The following ITIH1 variants were observed in gnomAD, a reference collection of about 807,000 sequenced individuals.
ITIH1 encodes inter-alpha-trypsin inhibitor heavy chain 1.
A neutral mutation model predicts 104.6 loss-of-function variants in ITIH1; 94 were observed. The ratio of observed to expected loss-of-function variants is 0.90; its 90% CI spans 0.76 to 1.07. The LOEUF is 1.07. Among genes scored for constraint, ITIH1 ranks in the 50% least tolerant of loss-of-function variants. ITIH1 has a pLI of 0.00. For synonymous variants in ITIH1, 455 were observed against 464.4 expected (o/e 0.98, Z 0.26); for missense variants, 1,193 against 1,181.4 (o/e 1.01, Z -0.14).
chr3:52,778,037 A>T lies in ITIH1; in HGVS notation c.138+20A>T, dbSNP rs749562939. The T allele has an allele frequency of 1.9e-5, 30 of 1,613,916 alleles. No homozygotes were observed. The highest frequency in any genetic ancestry group is 2.5e-5 in the Non-Finnish European group (29 of 1,179,896). On this transcript the variant is annotated intron_variant, in intron 2 of 21. Transcript: ENST00000273283. ...GACACCGTGAGTAAGAGTCCTGGCA[A>T]AGGGGTCTGTGACAGAGCCCTTTTT...
chr3:52,786,429 C>T lies in ITIH1; in HGVS notation c.1728C>T (p.Ala576=), dbSNP rs1578738291. 2 of 1,580,334 alleles carry T rather than the reference C, an allele frequency of 1.3e-6. No individual in the cohort carries two copies. The highest frequency in any genetic ancestry group is 1.7e-6 in the Non-Finnish European group (2 of 1,162,960). Residue 576 remains alanine, a synonymous_variant, in exon 13 of 22, where the codon GCC becomes GCT. Coordinates refer to ENST00000273283, the MANE Select transcript of ITIH1 (RefSeq NM_002215.4). ...WAYLTIQELL[A]KRMKVDREER... ...ACCTCACCATCCAGGAGCTGCTGGCCAAGCGGTAGGGCACCTGCAGCTGCC... is the reference window on the plus strand; with the variant it reads ...ACCTCACCATCCAGGAGCTGCTGGCTAAGCGGTAGGGCACCTGCAGCTGCC...
rs1298895007 is a variant in ITIH1 at position 52,786,992 on chromosome 3, T to C, written c.1781T>C (p.Leu594Pro). 1 of 1,614,146 alleles carries C rather than the reference T, an allele frequency of 6.2e-7. No individual in the cohort carries two copies. The highest frequency in any genetic ancestry group is 1.1e-5 in the South Asian group (1 of 91,084). Reference sequence around the variant, plus strand: ...AGGGCCAACCTGTCATCCCAGGCCCTGCAGATGTCGCTGGACTATGGGTTT... The same window carrying C: ...AGGGCCAACCTGTCATCCCAGGCCCCGCAGATGTCGCTGGACTATGGGTTT... ...EERANLSSQALQMSLDYGFVT... is the reference protein window; with the variant it reads ...EERANLSSQAPQMSLDYGFVT... Residue 594 changes from leucine (L) to proline (P), a missense_variant, in exon 14 of 22, where the codon CTG becomes CCG. By Grantham distance (98) the Leu-to-Pro change is moderately conservative (BLOSUM62 -3). Transcript: ENST00000273283.
At chr3:52,786,532 G>T in intron 13 of ITIH1, 98 bp downstream of exon 13, 1 of 1,200,764 alleles carries the variant, frequency 8.3e-7, no homozygotes, top group Non-Finnish European at 1.2e-6. Context: ...GGGGCAAGTA[G>T]GTCAGATTTA....
At chr3:52,778,575 GGATCGGAGTGGCCAGATAACGCAGAGCAT>G in intron 3 of ITIH1, 69 bp downstream of exon 3, 2 of 1,596,412 alleles carry the variant, frequency 1.3e-6, no homozygotes, top group Non-Finnish European at 1.7e-6. Flanking sequence ...TTAAGAACAA[GGATCGGAGTGGCCAGATAACGCAGAGCAT>G]CTCCTCATTC....
chr3:52,789,169 CA>C (rs559731579), intron 18 of ITIH1, among the ~76,000 whole-genome samples: 46 of 152,086 alleles, frequency 3.0e-4, no homozygotes, highest in African/African-American at 1.0e-3. Context: ...GTCCCGCTTT[CA>C]TAGAGTTTAG....
chr3:52,779,007 G>A lies in ITIH1; in HGVS notation c.371G>A (p.Arg124Gln), dbSNP rs138161449. ...AAGGTGACTGCATGGAAGCAGTACC[G>A]GAAAGCAGCTATCTCAGGAGAGAAT... Reference protein sequence around the residue: ...KDKVTAWKQYRKAAISGENAG... With the variant: ...KDKVTAWKQYQKAAISGENAG... Residue 124 changes from arginine to glutamine, a missense_variant, in exon 4 of 22, where the codon CGG (arginine) becomes CAG (glutamine). By Grantham distance (43) the Arg-to-Gln change is conservative (BLOSUM62 1). Transcript: ENST00000273283. The surrounding 1 kb of genome is among the most constrained non-coding windows in gnomAD (Gnocchi z 4.4). The A allele has an allele frequency of 2.1e-5, 34 of 1,613,826 alleles. No individual in the cohort carries two copies. The highest frequency in any genetic ancestry group is 1.0e-4 in the Admixed American group (6 of 60,004).
At position 52,786,993 on chromosome 3, in the gene ITIH1, G is replaced by A; in HGVS notation, c.1782G>A (p.Leu594=). 2 of 1,614,176 alleles carry A rather than the reference G, an allele frequency of 1.2e-6. No homozygotes were observed. The highest frequency in any genetic ancestry group is 1.7e-6 in the Non-Finnish European group (2 of 1,180,002). Residue 594 remains leucine, a synonymous_variant, in exon 14 of 22, where the codon CTG becomes CTA. Coordinates refer to ENST00000273283, the MANE Select transcript of ITIH1 (RefSeq NM_002215.4). The part of the protein sequence containing the change: ...EERANLSSQA[L]QMSLDYGFVT... ...GGGCCAACCTGTCATCCCAGGCCCT[G>A]CAGATGTCGCTGGACTATGGGTTTG... is the stretch of plus-strand genomic sequence containing the variant.
intron 6 of ITIH1, among the ~76,000 whole-genome samples, chr3:52,781,232 C>A (rs1373741924): frequency 1.3e-5 from 1 of 77,516 alleles, no homozygotes; most frequent in African/African-American, 4.5e-5. Context: ...TCTTCTTCTT[C>A]TTCTTCTTCT....
chr3:52,780,366 C>A lies in ITIH1; in HGVS notation c.671C>A (p.Ser224Tyr). Residue 224 changes from serine (S) to tyrosine (Y), a missense_variant, in exon 6 of 22, where the codon TCC (serine) becomes TAC (tyrosine). Transcript: ENST00000273283. ...CTGGCAGCCCAAACTATCAAGAAGT[C>A]CTTCTCAGGAAAAAAGGTACATGGG... ...KELAAQTIKKSFSGKKGHVLF... is the reference protein window; with the variant it reads ...KELAAQTIKKYFSGKKGHVLF... The A allele has an allele frequency of 6.2e-7, 1 of 1,613,510 alleles. No homozygotes were observed. Among genetic ancestry groups the A allele is most frequent in the African/African-American group, 1.3e-5 (1 of 75,022 alleles).
chr3:52,784,503 T>G (rs760533203), intron 11 of ITIH1, 26 bp downstream of exon 11: 1 of 1,606,746 alleles, frequency 6.2e-7, no homozygotes. Context: ...CCCCTGTACC[T>G]CCAATGGCAT....
intron 13 of ITIH1, 113 bp from the exon 14 acceptor site, chr3:52,786,832 T>G (rs1187274875): frequency 7.9e-6 from 10 of 1,268,664 alleles, no homozygotes; most frequent in Non-Finnish European, 1.1e-5. Flanking sequence ...GCTTAATACT[T>G]ATGTGTCGAA....
intron 10 of ITIH1, 110 bp from the exon 11 acceptor site, chr3:52,784,186 A>G: frequency 1.1e-6 from 1 of 927,988 alleles, no homozygotes; most frequent in Non-Finnish European, 1.6e-6. Context: ...GAGCCTGGAG[A>G]TGCTCTGAGA....
intron 20 of ITIH1, 85 bp from the exon 21 acceptor site, chr3:52,791,432 C>T (rs543374596): frequency 5.2e-5 from 58 of 1,110,708 alleles, no homozygotes; most frequent in Admixed American, 1.7e-4. Context: ...CAGCAATGCT[C>T]TAACCCCGCA....
At chr3:52,777,805 C>T in intron 1 of ITIH1, 73 bp downstream of exon 1, 1 of 1,425,446 alleles carries the variant, frequency 7.0e-7, no homozygotes, top group Non-Finnish European at 9.7e-7. Flanking sequence ...ACACAAGACC[C>T]CCATTCAAGG....
In ITIH1 at chr3:52,782,206, A is replaced by G; in HGVS notation, c.869A>G (p.Asn290Ser). The change falls in exon 8 of 22, where the codon AAC becomes AGC. Residue 290 changes from asparagine to serine, a missense_variant. Asn to Ser is a conservative substitution (Grantham distance 46, BLOSUM62 1). Transcript: ENST00000273283. The part of the protein sequence containing the change: ...FFAPQNLTNM[N>S]KNVVFVIDIS... ...GCCCCCCAAAACCTGACAAACATGAACAAGAACGTGGTTTTTGTGATTGAC... is the reference window on the plus strand; with the variant it reads ...GCCCCCCAAAACCTGACAAACATGAGCAAGAACGTGGTTTTTGTGATTGAC... 2 of 1,614,142 alleles carry G rather than the reference A, an allele frequency of 1.2e-6. No individual in the cohort carries two copies. Among genetic ancestry groups the G allele is most frequent in the South Asian group, 1.1e-5 (1 of 91,082 alleles).
At position 52,791,412 on chromosome 3, in the gene ITIH1, A is replaced by G. The variant is rs190071961; in HGVS notation, c.2495-105A>G. ...AGCAGAAACAGTCAAGCCCTGGAAAAAAAGCGGTCCAGCAATGCTCTAACC... is the reference window on the plus strand; with the variant it reads ...AGCAGAAACAGTCAAGCCCTGGAAAGAAAGCGGTCCAGCAATGCTCTAACC... On this transcript the variant is annotated intron_variant, in intron 20 of 21. Coordinates refer to ENST00000273283, the MANE Select transcript of ITIH1 (RefSeq NM_002215.4). 9.7e-6 allele frequency: 8 copies of G among 828,302 alleles called. No homozygotes were observed. The Admixed American group carries it at 1.9e-4, about 20-fold the overall frequency. 51.3% of individuals were successfully genotyped at this position (828,302 alleles called of 1,614,324 possible). A position where few individuals can be genotyped will look rare whatever the true frequency, so the allele number is the denominator to read the frequency against.
intron 18 of ITIH1, 47 bp downstream of exon 18, chr3:52,788,392 GC>G: frequency 8.1e-7 from 1 of 1,228,424 alleles, no homozygotes; most frequent in African/African-American, 1.5e-5. Context: ...GGGCTCCTCT[GC>G]CCTCAACATT....
rs529980794 is a variant in ITIH1 at position 52,790,322 on chromosome 3, T to C, written c.2322-427T>C. The C allele has an allele frequency of 8.3e-4, 226 of 272,078 alleles. 1 individual carries two copies. The South Asian group carries it at 9.9e-3, about 12-fold the overall frequency. The allele number at this position is 272,078 out of a possible 1,614,324, so 16.9% of individuals were successfully genotyped here. ...ACTGTGCCAAGCACCAGAGCAATGC[T>C]GGGCAGCAGAGCTATAGGAAGAGGT... On this transcript the variant is annotated intron_variant, in intron 19 of 21. Coordinates refer to ENST00000273283, the MANE Select transcript of ITIH1 (RefSeq NM_002215.4).
At chr3:52,787,269 G>A (rs1699227898) in intron 15 of ITIH1, 67 bp downstream of exon 15, 4 of 1,601,620 alleles carry the variant, frequency 2.5e-6, no homozygotes, top group African/African-American at 1.3e-5. Flanking sequence ...AGGTGCTCCA[G>A]CCCCAGGCTC....
Sources: allele counts gnomAD v4.1 joint callset (sites outside exome capture counted in the v4.1 genomes callset), GRCh38; gene constraint gnomAD v4.1.1; non-coding constraint Gnocchi (gnomAD v3.1); transcripts MANE v1.5; gene names NCBI Gene and HGNC (gene_info 2026-07-23, HGNC 2026-07-21).